Variants in TMEM132D observed in about 807,000 individuals in gnomAD.
The protein encoded by TMEM132D is mature OL transmembrane protein.
A neutral mutation model predicts 62.3 loss-of-function variants in TMEM132D; 21 were observed. That is an observed-to-expected ratio of 0.34 (90% CI 0.24 to 0.49). The LOEUF is 0.49. Ranked by LOEUF, TMEM132D falls within the 20% of genes least tolerant of loss-of-function variation. TMEM132D has a pLI of 0.99. For synonymous variants in TMEM132D, 621 were observed against 575.6 expected, an observed-to-expected ratio of 1.08 and a Z score of -1.13; for missense variants, 1,346 against 1,402.8, an observed-to-expected ratio of 0.96 and a Z score of 0.65.
chr12:129,314,733 T>C (rs564850525), intron 4 of TMEM132D, among the ~76,000 whole-genome samples: 1 of 152,322 alleles, frequency 6.6e-6, no homozygotes, highest in South Asian at 2.1e-4. Flanking sequence ...TTCACAATAT[T>C]GATTCTACAC....
chr12:129,662,593 G>A (rs995762892), intron 2 of TMEM132D, among the ~76,000 whole-genome samples: 3 of 152,100 alleles, frequency 2.0e-5, no homozygotes, highest in African/African-American at 7.2e-5. Context: ...AAGAGATCAA[G>A]ACCATCCTGG....
At chr12:129,159,649 T>C (rs1877341127) in intron 5 of TMEM132D, among the ~76,000 whole-genome samples, 1 of 150,416 alleles carries the variant, frequency 6.6e-6, no homozygotes, top group Non-Finnish European at 1.5e-5. Flanking sequence ...TAATCCCAGC[T>C]ACTTGGGTGG....
intron 2 of TMEM132D, among the ~76,000 whole-genome samples, chr12:129,640,607 C>T (rs1339392370): frequency 1.3e-5 from 2 of 152,150 alleles, no homozygotes; most frequent in Non-Finnish European, 2.9e-5. Context: ...CTGGAGAGGC[C>T]ACAGCCCCAT....
chr12:129,313,465 A>G (rs1360984733), intron 4 of TMEM132D, among the ~76,000 whole-genome samples: 1 of 152,020 alleles, frequency 6.6e-6, no homozygotes, highest in Non-Finnish European at 1.5e-5. Flanking sequence ...ATAGTCTCCA[A>G]TCTCATCCAG....
chr12:129,643,847 A>AT (rs531369497), intron 2 of TMEM132D, among the ~76,000 whole-genome samples: 39,207 of 142,086 alleles, frequency 0.28, 5,673 homozygotes, highest in East Asian at 0.41. Context: ...CCAATGTACC[A>AT]TTTTTTTTTT....
At chr12:129,314,433 G>C (rs974031903) in intron 4 of TMEM132D, among the ~76,000 whole-genome samples, 2 of 152,142 alleles carry the variant, frequency 1.3e-5, no homozygotes, top group Non-Finnish European at 2.9e-5. Flanking sequence ...GTAAGTATTT[G>C]GGTTTATTTC....
At chr12:129,604,872 A>T (rs1236608124) in intron 2 of TMEM132D, among the ~76,000 whole-genome samples, 2 of 152,192 alleles carry the variant, frequency 1.3e-5, no homozygotes, top group Non-Finnish European at 2.9e-5. Flanking sequence ...ATATTCAACA[A>T]TACAAATGCA....
chr12:129,329,494 T>C (rs949274050), intron 4 of TMEM132D, among the ~76,000 whole-genome samples: 3 of 152,166 alleles, frequency 2.0e-5, no homozygotes, highest in Admixed American at 1.3e-4. Context: ...TCTGCTTTTA[T>C]GCCAAAAATT....
At chr12:129,424,469 G>A (rs1872429130) in intron 3 of TMEM132D, among the ~76,000 whole-genome samples, 1 of 151,996 alleles carries the variant, frequency 6.6e-6, no homozygotes, top group Admixed American at 6.5e-5. Flanking sequence ...GGGAGGCCGA[G>A]ACGGGCAGAT....
intron 5 of TMEM132D, among the ~76,000 whole-genome samples, chr12:129,199,346 C>T (rs1208013603): frequency 6.6e-6 from 1 of 152,158 alleles, no homozygotes; most frequent in African/African-American, 2.4e-5. Context: ...ATGTGATCCA[C>T]CCATCTTGGC....
At chr12:129,404,331 A>T (rs1480688505) in intron 3 of TMEM132D, among the ~76,000 whole-genome samples, 1 of 151,874 alleles carries the variant, frequency 6.6e-6, no homozygotes, top group African/African-American at 2.4e-5. Flanking sequence ...CCCAAGTAGC[A>T]GGGACTACAG....
At chr12:129,242,653 C>T (rs1280279775) in intron 4 of TMEM132D, among the ~76,000 whole-genome samples, 1 of 151,948 alleles carries the variant, frequency 6.6e-6, no homozygotes, top group African/African-American at 2.4e-5. Flanking sequence ...TCTATTTACC[C>T]AGGCTTTTAA....
chr12:129,755,604 C>A (rs1007595836), intron 1 of TMEM132D, among the ~76,000 whole-genome samples: 1 of 152,174 alleles, frequency 6.6e-6, no homozygotes, highest in Non-Finnish European at 1.5e-5. Flanking sequence ...CACTAGTTAT[C>A]TTTTTATGCC....
At chr12:129,470,313 T>A (rs1874055787) in intron 3 of TMEM132D, among the ~76,000 whole-genome samples, 1 of 152,222 alleles carries the variant, frequency 6.6e-6, no homozygotes, top group Non-Finnish European at 1.5e-5. Flanking sequence ...AGGCAGCTTC[T>A]AAGATTTTGT....
intron 2 of TMEM132D, among the ~76,000 whole-genome samples, chr12:129,580,356 C>T (rs901166786): frequency 4.6e-5 from 7 of 152,136 alleles, no homozygotes; most frequent in African/African-American, 1.2e-4. Flanking sequence ...GAGTTGAAAT[C>T]GAGAGAACTT....
Position 129,277,322 on chromosome 12 carries a change from G to T in TMEM132D, c.1299+60312C>A, listed in dbSNP as rs1415879876. On this transcript the variant is annotated intron_variant, in intron 4 of 8. Transcript: ENST00000422113. This position sits in a 1 kb window ranked among gnomAD's most constrained non-coding sequence, Gnocchi z 4.2. ...TTAGAGGTATTTGTGTCAAATTAAG[G>T]CTTCCACTGTATTTTGAAATGTTTG... is the stretch of plus-strand genomic sequence containing the variant. 6.6e-6 allele frequency among the ~76,000 whole-genome samples: 1 copy of T among 152,090 alleles called. No individual in the cohort carries two copies. Among genetic ancestry groups the T allele is most frequent in the Non-Finnish European group, 1.5e-5 (1 of 68,030 alleles).
chr12:129,444,770 C>A (rs1329543954), intron 3 of TMEM132D, among the ~76,000 whole-genome samples: 1 of 152,092 alleles, frequency 6.6e-6, no homozygotes, highest in Admixed American at 6.6e-5. Flanking sequence ...CAAATCAAAA[C>A]CACAATGAGA....
chr12:129,680,532 C>T (rs1317969880), intron 2 of TMEM132D, among the ~76,000 whole-genome samples: 4 of 152,062 alleles, frequency 2.6e-5, no homozygotes, highest in South Asian at 2.1e-4. Flanking sequence ...TGCCTTTGAT[C>T]GCAGCTGGGA....
chr12:129,741,803 A>T (rs1378075121), intron 1 of TMEM132D, among the ~76,000 whole-genome samples: 1 of 152,224 alleles, frequency 6.6e-6, no homozygotes, highest in East Asian at 1.9e-4. Flanking sequence ...CTTATTTACA[A>T]AATGAGGACA....
Sources: allele counts gnomAD v4.1 joint callset (sites outside exome capture counted in the v4.1 genomes callset), GRCh38; gene constraint gnomAD v4.1.1; non-coding constraint Gnocchi (gnomAD v3.1); transcripts MANE v1.5; gene names NCBI Gene and HGNC (gene_info 2026-07-23, HGNC 2026-07-21).